Variants in KIAA1549 observed in about 807,000 individuals in gnomAD.
KIAA1549 encodes UPF0606 protein KIAA1549.
Under a neutral mutation model 156.4 loss-of-function variants are expected in KIAA1549, and 70 were observed. The observed-to-expected ratio is 0.45, with a 90% CI of 0.37 to 0.55. The LOEUF is 0.55. KIAA1549 is among the 20% of genes least tolerant of loss of function. The pLI is 0.00. For missense variants in KIAA1549, 2,428 were observed against 2,540.9 expected (o/e 0.96, Z 0.96); for synonymous variants, 1,103 against 1,066.4 (o/e 1.03, Z -0.67).
At position 138,832,269 on chromosome 7, in the gene KIAA1549, T is replaced by G. The variant is rs1809558714; in HGVS notation, c.*5637A>C. The G allele has an allele frequency of 5.1e-6, 1 of 196,640 alleles. No individual in the cohort carries two copies. The highest frequency in any genetic ancestry group is 1.0e-5 in the Non-Finnish European group (1 of 97,226). The allele number at this position is 196,640 out of a possible 1,614,324, so 12.2% of individuals were successfully genotyped here. On this transcript the variant is annotated 3_prime_UTR_variant, in exon 20 of 20. Coordinates refer to ENST00000422774, the MANE Select transcript of KIAA1549 (RefSeq NM_001164665.2). The stretch of plus-strand genomic sequence containing the variant: ...TGGAGTGCAGTGGCGTGATTATAGC[T>G]CACTGCAGCCTCCAACTCATTGGCT...
intron 9 of KIAA1549, among the ~76,000 whole-genome samples, chr7:138,898,027 C>T (rs1009607662): frequency 1.3e-5 from 2 of 151,216 alleles, no homozygotes; most frequent in Non-Finnish European, 2.9e-5. Context: ...GAGGTGGGGC[C>T]GGGTGCAGTG....
chr7:138,933,876 G>C (rs1395285446), intron 1 of KIAA1549, among the ~76,000 whole-genome samples: 1 of 152,210 alleles, frequency 6.6e-6, no homozygotes, highest in African/African-American at 2.4e-5. Flanking sequence ...TGAGGCAGGA[G>C]AATCACTTGA....
chr7:138,859,330 G>C (rs1453571664), intron 16 of KIAA1549, among the ~76,000 whole-genome samples: 1 of 152,062 alleles, frequency 6.6e-6, no homozygotes, highest in Non-Finnish European at 1.5e-5. Flanking sequence ...AGTCATGTTG[G>C]GGGGTTATGG....
intron 17 of KIAA1549, among the ~76,000 whole-genome samples, chr7:138,846,647 A>G (rs572136149): frequency 2.0e-4 from 31 of 152,176 alleles, no homozygotes; most frequent in African/African-American, 6.3e-4. Context: ...TATCTTAGTA[A>G]TATTATGAAA....
intron 6 of KIAA1549, 94 bp downstream of exon 6, chr7:138,906,825 G>C: frequency 2.1e-6 from 2 of 950,016 alleles, no homozygotes; most frequent in East Asian, 2.8e-5. Context: ...AAAAAATCAA[G>C]TCTTTTAAAA....
intron 1 of KIAA1549, among the ~76,000 whole-genome samples, chr7:138,939,460 A>T (rs1813110673): frequency 6.6e-6 from 1 of 152,154 alleles, no homozygotes; most frequent in African/African-American, 2.4e-5. Context: ...TACTTGTTAA[A>T]GAAAGGTCAT....
intron 4 of KIAA1549, among the ~76,000 whole-genome samples, chr7:138,910,323 A>G (rs1274504327): frequency 6.6e-6 from 1 of 151,950 alleles, no homozygotes; most frequent in Non-Finnish European, 1.5e-5. Context: ...GGATCGCTTG[A>G]GCCCAGGAGT....
chr7:138,862,289 C>T (rs141502098), intron 15 of KIAA1549, among the ~76,000 whole-genome samples: 49 of 151,912 alleles, frequency 3.2e-4, no homozygotes, highest in African/African-American at 1.1e-3. Flanking sequence ...CCAGAGAGGC[C>T]AGGAATTTGA....
At position 138,903,841 on chromosome 7, in the gene KIAA1549, G is replaced by A. The variant is rs1245417769; in HGVS notation, c.3521-105C>T. ...TGTGTGTGTGTGTGTGTGTGTGTGT[G>A]TGTGTGTGTGTGCGCGCGCGCGCGC... On this transcript the variant is annotated intron_variant, in intron 7 of 19. Coordinates refer to ENST00000422774, the MANE Select transcript of KIAA1549 (RefSeq NM_001164665.2). 3.0e-5 allele frequency: 17 copies of A among 573,852 alleles called. No homozygotes were observed. In the African/African-American group the frequency reaches 3.7e-4, roughly 12 times the overall value. 35.5% of individuals were successfully genotyped at this position (573,852 alleles called of 1,614,324 possible). A position where few individuals can be genotyped will look rare whatever the true frequency, so the allele number is the denominator to read the frequency against.
chr7:138,865,726 C>T (rs939325759), intron 15 of KIAA1549, among the ~76,000 whole-genome samples: 7 of 152,154 alleles, frequency 4.6e-5, no homozygotes, highest in Non-Finnish European at 7.3e-5. Context: ...GAAAACGATG[C>T]TGCAAAGCTA....
chr7:138,912,914 G>A (rs190903296), intron 2 of KIAA1549, among the ~76,000 whole-genome samples: 119 of 152,204 alleles, frequency 7.8e-4, no homozygotes, highest in South Asian at 2.1e-3. Flanking sequence ...CCGCTCTGTC[G>A]CCCAGGCTGG....
rs193201482 is a variant in KIAA1549 at position 138,941,305 on chromosome 7, A to C, written c.188-21867T>G. Reference sequence around the variant, plus strand: ...TATTAAAGTCCCCCTCCCCTGCCAAAGTTCACCGTTCCATAAAGATAGTAA... The same window carrying C: ...TATTAAAGTCCCCCTCCCCTGCCAACGTTCACCGTTCCATAAAGATAGTAA... On this transcript the variant is annotated intron_variant, in intron 1 of 19. Transcript: ENST00000422774. Among the ~76,000 whole-genome samples, 25 of 152,282 alleles carry C rather than the reference A, an allele frequency of 1.6e-4. No homozygotes were observed. The East Asian group carries it at 3.5e-3, about 21-fold the overall frequency.
intron 18 of KIAA1549, among the ~76,000 whole-genome samples, chr7:138,842,457 C>T (rs1004384683): frequency 5.9e-5 from 9 of 152,152 alleles, no homozygotes; most frequent in Admixed American, 2.0e-4. Context: ...GAGGCTGAGG[C>T]GGGCGGATCA....
intron 17 of KIAA1549, among the ~76,000 whole-genome samples, chr7:138,849,762 TGTCC>T (rs1328937371): frequency 6.6e-6 from 1 of 152,136 alleles, no homozygotes; most frequent in African/African-American, 2.4e-5. Context: ...TTCCTCTCTG[TGTCC>T]ATGAGTTCTC....
At chr7:138,899,229 T>C in intron 8 of KIAA1549, 97 bp from the exon 9 acceptor site, 1 of 1,101,426 alleles carries the variant, frequency 9.1e-7, no homozygotes, top group East Asian at 2.4e-5. Flanking sequence ...TCAGGATTTA[T>C]TCCAATCCTC....
At chr7:138,877,106 C>T (rs1584723549) in intron 12 of KIAA1549, among the ~76,000 whole-genome samples, 1 of 152,132 alleles carries the variant, frequency 6.6e-6, no homozygotes, top group East Asian at 1.9e-4. Context: ...GAAGAGGGCT[C>T]CATAATGGAT....
At chr7:138,979,278 G>C (rs562114975) in intron 1 of KIAA1549, among the ~76,000 whole-genome samples, 1 of 152,360 alleles carries the variant, frequency 6.6e-6, no homozygotes, top group Non-Finnish European at 1.5e-5. Flanking sequence ...AAGAAGAGAA[G>C]GTTAGGGATG....
At chr7:138,946,076 C>T (rs1813326982) in intron 1 of KIAA1549, among the ~76,000 whole-genome samples, 1 of 152,148 alleles carries the variant, frequency 6.6e-6, no homozygotes, top group South Asian at 2.1e-4. Flanking sequence ...CACCCTTTGC[C>T]TGCCTCTCCC....
chr7:138,846,012 C>T (rs1810062734), intron 17 of KIAA1549, among the ~76,000 whole-genome samples: 1 of 152,174 alleles, frequency 6.6e-6, no homozygotes, highest in African/African-American at 2.4e-5. Flanking sequence ...TTCAAAATTC[C>T]ATATTCCACA....
Sources: allele counts gnomAD v4.1 joint callset (sites outside exome capture counted in the v4.1 genomes callset), GRCh38; gene constraint gnomAD v4.1.1; transcripts MANE v1.5; gene names NCBI Gene and HGNC (gene_info 2026-07-23, HGNC 2026-07-21).